Variants in CORIN observed in about 807,000 individuals in gnomAD.
CORIN encodes corin, serine peptidase, also known as atrial natriuretic peptide-converting enzyme.
A neutral mutation model predicts 125.3 loss-of-function variants in CORIN; 117 were observed. The observed-to-expected ratio is 0.93, with a 90% CI of 0.80 to 1.09. CORIN has a LOEUF of 1.09. Among genes scored for constraint, CORIN ranks in the 50% least tolerant of loss-of-function variants. The pLI, the probability that CORIN is intolerant of heterozygous loss-of-function variation, is 0.00. For missense variants in CORIN, 1,253 were observed against 1,306.7 expected, an observed-to-expected ratio of 0.96 and a Z score of 0.63; for synonymous variants, 450 against 466.4, an observed-to-expected ratio of 0.96 and a Z score of 0.45.
chr4:47,597,608 C>T (rs917576074), intron 21 of CORIN, among the ~76,000 whole-genome samples: 1 of 152,086 alleles, frequency 6.6e-6, no homozygotes, highest in Non-Finnish European at 1.5e-5. Context: ...ATTATTTTCA[C>T]AAATTTGTTT....
At chr4:47,781,357 C>T (rs796381744) in intron 3 of CORIN, among the ~76,000 whole-genome samples, 7 of 152,308 alleles carry the variant, frequency 4.6e-5, no homozygotes, top group African/African-American at 1.7e-4. Context: ...TTAATAGAAA[C>T]TGTATTTTGA....
At chr4:47,767,923 C>G (rs573001454) in intron 3 of CORIN, among the ~76,000 whole-genome samples, 1 of 152,174 alleles carries the variant, frequency 6.6e-6, no homozygotes, top group Non-Finnish European at 1.5e-5. Context: ...GGATATTGAA[C>G]CTGTCAGGCC....
intron 5 of CORIN, among the ~76,000 whole-genome samples, chr4:47,693,696 A>T (rs1350616905): frequency 2.0e-5 from 3 of 152,190 alleles, no homozygotes; most frequent in Non-Finnish European, 4.4e-5. Flanking sequence ...TAAAATTTTC[A>T]TTTATTTTTC....
rs545344283 is a variant in CORIN, at chr4:47,700,224, A to G, written c.800-7141T>C. ...AGCTTTATGTTATCATTAGCTTTTC[A>G]TTGTACTTAGACTTGAGAAATGAAA... On this transcript the variant is annotated intron_variant, in intron 5 of 21. Transcript: ENST00000273857. 1.1e-4 allele frequency among the ~76,000 whole-genome samples: 17 copies of G among 152,276 alleles called. No individual in the cohort carries two copies. The South Asian group carries it at 3.5e-3, about 32-fold the overall frequency.
At chr4:47,606,142 C>T (rs1345547090) in intron 19 of CORIN, among the ~76,000 whole-genome samples, 1 of 152,052 alleles carries the variant, frequency 6.6e-6, no homozygotes, top group Non-Finnish European at 1.5e-5. Context: ...TGATTCCCTG[C>T]CTATACAAAC....
chr4:47,653,394 T>C (rs925270132), intron 13 of CORIN, among the ~76,000 whole-genome samples, 159 bp downstream of exon 13: 1 of 152,208 alleles, frequency 6.6e-6, no homozygotes, highest in Non-Finnish European at 1.5e-5. Flanking sequence ...GAAAAACACT[T>C]AAAATATATG....
At chr4:47,728,461 C>T (rs145879756) in intron 5 of CORIN, among the ~76,000 whole-genome samples, 131 of 152,240 alleles carry the variant, frequency 8.6e-4, no homozygotes, top group Non-Finnish European at 1.6e-3. Context: ...CTGTAAAGAT[C>T]TATCAGCTAT....
At chr4:47,828,310 A>T (rs959085640) in intron 1 of CORIN, among the ~76,000 whole-genome samples, 2 of 152,226 alleles carry the variant, frequency 1.3e-5, no homozygotes, top group African/African-American at 2.4e-5. Context: ...GCTTCAGGAT[A>T]GGGGCTGGTC....
At chr4:47,798,990 G>A (rs1224931776) in intron 2 of CORIN, among the ~76,000 whole-genome samples, 1 of 152,042 alleles carries the variant, frequency 6.6e-6, no homozygotes, top group Admixed American at 6.6e-5. Context: ...AGAACATGTG[G>A]TATTTGGTTC....
In CORIN at chr4:47,623,681, A is replaced by G. The variant is rs1057205030; in HGVS notation, c.2430T>C (p.Pro810=). Residue 810 remains proline (P), a synonymous_variant, in exon 19 of 22, where the codon CCT becomes CCC. Coordinates refer to ENST00000273857, the MANE Select transcript of CORIN (RefSeq NM_006587.4). The stretch of plus-strand genomic sequence containing the variant: ...GAGAACACTGCCATGGCCACCTTCC[A>G]GGGCGACTCGTCCGACCTCCAAGGA... ...KRILGGRTSR[P]GRWPWQCSLQ... The G allele has an allele frequency of 5.0e-6, 8 of 1,614,254 alleles. No individual in the cohort carries two copies. The highest frequency in any genetic ancestry group is 1.7e-5 in the Admixed American group (1 of 60,022).
chr4:47,790,212 A>C (rs1731012730), intron 2 of CORIN: 1 of 985,318 alleles, frequency 1.0e-6, no homozygotes, highest in Non-Finnish European at 1.2e-6. Flanking sequence ...GGAAGGAAAA[A>C]TAAAATACCT....
chr4:47,701,001 GA>G (rs892697510), intron 5 of CORIN, among the ~76,000 whole-genome samples: 7 of 152,156 alleles, frequency 4.6e-5, no homozygotes, highest in Non-Finnish European at 1.0e-4. Context: ...TCACTACTGA[GA>G]ATGCAAAGGT....
intron 1 of CORIN, among the ~76,000 whole-genome samples, chr4:47,814,177 A>G (rs1732169447): frequency 6.6e-6 from 1 of 152,174 alleles, no homozygotes; most frequent in Non-Finnish European, 1.5e-5. Flanking sequence ...CCTCAAGGAT[A>G]ATAAAGTGAC....
intron 16 of CORIN, among the ~76,000 whole-genome samples, chr4:47,639,153 A>G (rs1723141018): frequency 9.6e-6 from 1 of 104,424 alleles, no homozygotes. Context: ...CGGACCCTAC[A>G]TACACACTAC....
intron 5 of CORIN, among the ~76,000 whole-genome samples, chr4:47,722,339 C>T (rs925769783): frequency 1.2e-4 from 18 of 152,202 alleles, no homozygotes; most frequent in African/African-American, 4.1e-4. Context: ...TTCCTCTTTT[C>T]TATCATTGCC....
chr4:47,730,120 G>A (rs183496404), intron 5 of CORIN, among the ~76,000 whole-genome samples: 43 of 152,306 alleles, frequency 2.8e-4, no homozygotes, highest in Admixed American at 2.5e-3. Context: ...CTGCCCTTGC[G>A]ATAGGGCAGA....
chr4:47,703,870 G>A (rs1726423806), intron 5 of CORIN, among the ~76,000 whole-genome samples: 1 of 152,206 alleles, frequency 6.6e-6, no homozygotes. Flanking sequence ...TGGGTTCTTT[G>A]AAACAACCCA....
intron 7 of CORIN, chr4:47,680,501 C>T (rs751581857): frequency 1.3e-5 from 5 of 378,932 alleles, no homozygotes; most frequent in African/African-American, 2.1e-5. Flanking sequence ...GCCCCAGGAC[C>T]CGTAGTTTGT....
chr4:47,603,548 T>C lies in CORIN; in HGVS notation c.2661A>G (p.Ala887=). The C allele has an allele frequency of 6.2e-7, 1 of 1,614,206 alleles. No homozygotes were observed. The highest frequency in any genetic ancestry group is 8.5e-7 in the Non-Finnish European group (1 of 1,180,030). Residue 887 remains alanine, a synonymous_variant, in exon 20 of 22, where the codon GCA becomes GCG. Transcript: ENST00000273857. ...CGATGCTGATGTCATAGTCCACCAC[T>C]GCTCGACTGTAGCGGGGATGCAGGA... ...TIILHPRYSR[A]VVDYDISIVE...
Sources: allele counts gnomAD v4.1 joint callset (sites outside exome capture counted in the v4.1 genomes callset), GRCh38; gene constraint gnomAD v4.1.1; transcripts MANE v1.5; gene names NCBI Gene and HGNC (gene_info 2026-07-23, HGNC 2026-07-21).